The following PACRG variants were observed in gnomAD, a reference collection of about 807,000 sequenced individuals.
PACRG encodes parkin coregulated, also known as parkin coregulated gene protein.
Under a neutral mutation model 29.7 loss-of-function variants are expected in PACRG, and 29 were observed. The ratio of observed to expected loss-of-function variants is 0.98; its 90% CI spans 0.73 to 1.33. The LOEUF is 1.33. Ranked by LOEUF, PACRG falls within the 40% of genes most tolerant of loss-of-function variation. The pLI is 0.00. For synonymous variants in PACRG, 116 were observed against 118.7 expected (o/e 0.98, Z 0.15); for missense variants, 279 against 316.2 (o/e 0.88, Z 0.89).
rs9458751 is a variant in PACRG at position 163,204,157 on chromosome 6, T to C, written c.614-110670T>C. The stretch of plus-strand genomic sequence containing the variant: ...GGCTAAATCTTTGTCATTTCATTTA[T>C]AGCCATTCATGAACACAGGTAATAG... On this transcript the variant is annotated intron_variant, in intron 4 of 4. Coordinates refer to ENST00000366888, the MANE Select transcript of PACRG (RefSeq NM_001080379.2). Among the ~76,000 whole-genome samples, 1,299 of 152,368 alleles carry C rather than the reference T, an allele frequency of 8.5e-3. 20 individuals carry two copies. The highest frequency in any genetic ancestry group is 0.03 in the African/African-American group (1,244 of 41,572).
intron 4 of PACRG, chr6:163,190,735 A>G (rs1161030108): frequency 8.5e-6 from 2 of 234,868 alleles, no homozygotes; most frequent in Non-Finnish European, 1.7e-5. Flanking sequence ...GAATTGGGCA[A>G]AAGTGTAGGG....
chr6:162,847,606 A>G (rs924700300), intron 2 of PACRG, among the ~76,000 whole-genome samples: 3 of 151,716 alleles, frequency 2.0e-5, no homozygotes, highest in Admixed American at 6.6e-5. Flanking sequence ...AGTTGGAGGT[A>G]TACGAATGGA....
intron 1 of PACRG, among the ~76,000 whole-genome samples, chr6:162,797,533 T>A (rs534629451): frequency 1.3e-5 from 2 of 152,326 alleles, no homozygotes; most frequent in South Asian, 4.1e-4. Flanking sequence ...CACTAATATA[T>A]GTCATTGGGC....
intron 2 of PACRG, among the ~76,000 whole-genome samples, chr6:162,829,789 A>C (rs1045480250): frequency 1.1e-4 from 17 of 152,176 alleles, no homozygotes; most frequent in Non-Finnish European, 2.1e-4. Context: ...TTAGGAAAAC[A>C]AGGTGGGAGA....
At chr6:162,871,925 A>C (rs1011259812) in intron 2 of PACRG, among the ~76,000 whole-genome samples, 1 of 152,070 alleles carries the variant, frequency 6.6e-6, no homozygotes, top group Non-Finnish European at 1.5e-5. Context: ...TCAAAAAAAA[A>C]CAAAAACAAA....
chr6:163,209,071 C>T (rs763475150), intron 4 of PACRG, among the ~76,000 whole-genome samples: 5 of 152,200 alleles, frequency 3.3e-5, no homozygotes, highest in Non-Finnish European at 7.3e-5. Flanking sequence ...CATTCATTTA[C>T]TAAATAAGGT....
chr6:163,166,164 G>A, intron 4 of PACRG: 1 of 456,270 alleles, frequency 2.2e-6, no homozygotes, highest in South Asian at 1.5e-5. Flanking sequence ...ACATGTGAAA[G>A]GGTTTTGTGC....
At chr6:162,791,876 C>T (rs1436180597) in intron 1 of PACRG, among the ~76,000 whole-genome samples, 15 of 152,070 alleles carry the variant, frequency 9.9e-5, no homozygotes, top group African/African-American at 3.1e-4. Context: ...CAGAAGCAAG[C>T]GTACATCCTC....
At chr6:163,060,456 A>T (rs186193593) in intron 2 of PACRG, among the ~76,000 whole-genome samples, 4 of 152,338 alleles carry the variant, frequency 2.6e-5, no homozygotes, top group Admixed American at 2.6e-4. Context: ...TCTCTGAGAA[A>T]ATATATATTC....
intron 4 of PACRG, among the ~76,000 whole-genome samples, chr6:163,192,737 A>C (rs1780271524): frequency 6.6e-6 from 1 of 152,170 alleles, no homozygotes; most frequent in Admixed American, 6.5e-5. Context: ...ATGAGAGAAC[A>C]TTTTATTTTT....
In PACRG at chr6:163,055,354, GCA is replaced by G. The variant is rs1398753846; in HGVS notation, c.292-6788_292-6787del. Among the ~76,000 whole-genome samples the G allele has an allele frequency of 6.7e-6, 1 of 149,836 alleles. No individual in the cohort carries two copies. The highest frequency in any genetic ancestry group is 2.1e-4 in the South Asian group (1 of 4,694). The stretch of plus-strand genomic sequence containing the variant: ...TGCACACACACATGCACACACACAC[GCA>G]CACACACGCACACATATACACACAT... On this transcript the variant is annotated intron_variant, in intron 2 of 4. Transcript: ENST00000366888. The surrounding 1 kb of genome is among the most constrained non-coding windows in gnomAD (Gnocchi z 4.0).
intron 2 of PACRG, among the ~76,000 whole-genome samples, chr6:162,884,325 T>G (rs1311433809): frequency 6.6e-6 from 1 of 152,166 alleles, no homozygotes; most frequent in Non-Finnish European, 1.5e-5. Context: ...ACCAAGAAAT[T>G]TTCCAGTATG....
In PACRG at chr6:163,235,816, G is replaced by A. The variant is rs375257199; in HGVS notation, c.614-79011G>A. Among the ~76,000 whole-genome samples, 175 of 152,056 alleles carry A rather than the reference G, an allele frequency of 1.2e-3. 1 individual carries two copies. The highest frequency in any genetic ancestry group is 3.6e-3 in the African/African-American group (151 of 41,486). Reference sequence around the variant, plus strand: ...AAGTACAGTTCTCTTTTTCAATTCTGCCCTTGGTGAGTCAATTTATAGTGT... The same window carrying A: ...AAGTACAGTTCTCTTTTTCAATTCTACCCTTGGTGAGTCAATTTATAGTGT... On this transcript the variant is annotated intron_variant, in intron 4 of 4. Coordinates refer to ENST00000366888, the MANE Select transcript of PACRG (RefSeq NM_001080379.2).
chr6:163,252,372 G>A (rs1423163035), intron 4 of PACRG, among the ~76,000 whole-genome samples: 1 of 152,270 alleles, frequency 6.6e-6, no homozygotes, highest in Non-Finnish European at 1.5e-5. Flanking sequence ...TGAGCAGCAG[G>A]GGGGCGACAT....
chr6:162,832,724 A>T (rs1001264345), intron 2 of PACRG, among the ~76,000 whole-genome samples: 2 of 152,090 alleles, frequency 1.3e-5, no homozygotes, highest in Admixed American at 6.6e-5. Flanking sequence ...GTGAATAGAA[A>T]CAGAATGAGC....
At chr6:162,971,007 C>T (rs1460446949) in intron 2 of PACRG, among the ~76,000 whole-genome samples, 3 of 152,176 alleles carry the variant, frequency 2.0e-5, no homozygotes, top group South Asian at 2.1e-4. Flanking sequence ...GTTCTTAAAA[C>T]GGATAGGTTA....
intron 1 of PACRG, among the ~76,000 whole-genome samples, chr6:162,785,708 C>T (rs960273729): frequency 1.3e-5 from 2 of 152,172 alleles, no homozygotes; most frequent in Non-Finnish European, 2.9e-5. Flanking sequence ...ATGGGCTGTG[C>T]GTTCCTAAGA....
intron 4 of PACRG, among the ~76,000 whole-genome samples, chr6:163,198,100 T>A (rs1383657668): frequency 6.6e-6 from 1 of 152,202 alleles, no homozygotes; most frequent in Non-Finnish European, 1.5e-5. Context: ...GAGTAAAAAC[T>A]TTGATTCACT....
At chr6:162,951,694 T>TAA (rs1272905037) in intron 2 of PACRG, among the ~76,000 whole-genome samples, 1 of 152,254 alleles carries the variant, frequency 6.6e-6, no homozygotes, top group Non-Finnish European at 1.5e-5. Context: ...GGGCATACTT[T>TAA]AACGGTTTAT....
Sources: allele counts gnomAD v4.1 joint callset (sites outside exome capture counted in the v4.1 genomes callset), GRCh38; gene constraint gnomAD v4.1.1; non-coding constraint Gnocchi (gnomAD v3.1); transcripts MANE v1.5; gene names NCBI Gene and HGNC (gene_info 2026-07-23, HGNC 2026-07-21).